Variants in XPO7 observed in about 807,000 individuals in gnomAD.
The protein encoded by XPO7 is exportin-7.
Under a neutral mutation model 144.3 loss-of-function variants are expected in XPO7, and 21 were observed. That is an observed-to-expected ratio of 0.15 (90% confidence interval 0.10 to 0.21). The LOEUF (loss-of-function observed/expected upper bound fraction) is 0.21. Among genes scored for constraint, XPO7 ranks in the 10% least tolerant of loss-of-function variants. The probability of loss-of-function intolerance (pLI) is 1.00; values close to 1 mark genes in which losing one functional copy is unlikely to be tolerated. For missense variants in XPO7, 808 were observed against 1,325.8 expected (o/e 0.61, Z 6.06); for synonymous variants, 580 against 499.6 (o/e 1.16, Z -2.15).
At chr8:21,940,160 A>G (rs1810945270) in intron 1 of XPO7, among the ~76,000 whole-genome samples, 1 of 152,224 alleles carries the variant, frequency 6.6e-6, no homozygotes, top group African/African-American at 2.4e-5. Context: ...TCTTAATGAT[A>G]TTTTAAAAGT....
At chr8:21,931,708 G>T (rs932874632) in intron 1 of XPO7, among the ~76,000 whole-genome samples, 12 of 152,218 alleles carry the variant, frequency 7.9e-5, no homozygotes, top group Non-Finnish European at 1.3e-4. Flanking sequence ...CCCCTTAAAG[G>T]TTTCTATCAA....
chr8:22,000,046 G>C (rs1425549061), intron 24 of XPO7, among the ~76,000 whole-genome samples: 1 of 152,178 alleles, frequency 6.6e-6, no homozygotes, highest in Non-Finnish European at 1.5e-5. Flanking sequence ...AGAATACCTA[G>C]ACTCTTGGTT....
intron 10 of XPO7, among the ~76,000 whole-genome samples, chr8:21,982,368 A>C (rs191478032): frequency 6.6e-6 from 1 of 152,192 alleles, no homozygotes; most frequent in Non-Finnish European, 1.5e-5. Flanking sequence ...GGTGATTGTC[A>C]TGCATACTAA....
intron 1 of XPO7, among the ~76,000 whole-genome samples, chr8:21,960,048 TAGG>T (rs1283182426): frequency 6.6e-6 from 1 of 152,158 alleles, no homozygotes; most frequent in Admixed American, 6.6e-5. Flanking sequence ...GAACCACTGA[TAGG>T]AGACAGAATT....
chr8:21,992,456 C>G (rs920873329), intron 19 of XPO7, among the ~76,000 whole-genome samples: 3 of 152,134 alleles, frequency 2.0e-5, no homozygotes, highest in African/African-American at 7.2e-5. Flanking sequence ...TTTCATTATT[C>G]AGTTTTTTGT....
At chr8:21,997,481 AT>A (rs1460448898) in intron 21 of XPO7, among the ~76,000 whole-genome samples, 1 of 152,246 alleles carries the variant, frequency 6.6e-6, no homozygotes, top group Non-Finnish European at 1.5e-5. Context: ...CCCTGCAAAG[AT>A]AAGGAGTCTT....
Position 21,919,736 on chromosome 8 carries a change from G to C in XPO7, c.-35G>C, listed in dbSNP as rs866257149. The C allele has an allele frequency of 1.0e-5, 4 of 382,332 alleles. No homozygotes were observed. The highest frequency in any genetic ancestry group is 6.0e-5 in the Admixed American group (1 of 16,580). 23.7% of individuals were successfully genotyped at this position (382,332 alleles called of 1,614,324 possible). A position where few individuals can be genotyped will look rare whatever the true frequency, so the allele number is the denominator to read the frequency against. On this transcript the variant is annotated 5_prime_UTR_variant, in exon 1 of 28. Transcript: ENST00000252512. ...TCCGGCCGAGGTGCGCGCTGGGGGG[G>C]AGGGGGGGCCGGAGAGGAGCATGAA...
intron 1 of XPO7, among the ~76,000 whole-genome samples, chr8:21,928,187 G>T (rs1017702093): frequency 2.0e-5 from 3 of 152,186 alleles, no homozygotes; most frequent in Non-Finnish European, 4.4e-5. Flanking sequence ...TGGACTTACT[G>T]TATACTCTTG....
intron 1 of XPO7, among the ~76,000 whole-genome samples, chr8:21,944,525 C>G (rs768001902): frequency 3.3e-5 from 5 of 152,084 alleles, no homozygotes; most frequent in Non-Finnish European, 7.4e-5. Context: ...TGAGACCACA[C>G]CACTGTACTC....
chr8:21,953,811 G>A (rs891025256), intron 1 of XPO7, among the ~76,000 whole-genome samples: 2 of 152,142 alleles, frequency 1.3e-5, no homozygotes, highest in Non-Finnish European at 2.9e-5. Flanking sequence ...TGTATCTTTG[G>A]TGAGGTGTCT....
intron 1 of XPO7, among the ~76,000 whole-genome samples, chr8:21,961,687 G>C (rs1811730211): frequency 6.6e-6 from 1 of 152,188 alleles, no homozygotes; most frequent in East Asian, 1.9e-4. Flanking sequence ...GTCTCACTCT[G>C]TCGCCCAGGC....
chr8:21,939,118 T>C (rs1458918145), intron 1 of XPO7, among the ~76,000 whole-genome samples: 1 of 152,242 alleles, frequency 6.6e-6, no homozygotes, highest in East Asian at 1.9e-4. Flanking sequence ...CTTCTATTCT[T>C]ATTTTGTTCT....
At chr8:21,960,742 C>G (rs766620767) in intron 1 of XPO7, among the ~76,000 whole-genome samples, 6 of 152,210 alleles carry the variant, frequency 3.9e-5, no homozygotes, top group Non-Finnish European at 8.8e-5. Flanking sequence ...TACTCACTCT[C>G]TTAGTCTTAC....
intron 15 of XPO7, 46 bp from the exon 16 acceptor site, chr8:21,988,957 C>G: frequency 6.3e-7 from 1 of 1,578,010 alleles, no homozygotes; most frequent in East Asian, 2.2e-5. Flanking sequence ...AGGAAACCAG[C>G]AAATCAAAAG....
chr8:21,924,067 A>G (rs1049561188), intron 1 of XPO7, among the ~76,000 whole-genome samples: 4 of 152,216 alleles, frequency 2.6e-5, no homozygotes, highest in African/African-American at 9.6e-5. Context: ...GCTGCAGTCA[A>G]TCTCAGGGCT....
intron 1 of XPO7, among the ~76,000 whole-genome samples, chr8:21,950,967 CAAAAA>C (rs879852105): frequency 7.0e-6 from 1 of 143,358 alleles, no homozygotes; most frequent in South Asian, 2.2e-4. Context: ...ACAAAAAATA[CAAAAA>C]AAAAAATTAG....
At chr8:21,993,042 A>G (rs1299274974) in intron 19 of XPO7, among the ~76,000 whole-genome samples, 1 of 152,214 alleles carries the variant, frequency 6.6e-6, no homozygotes, top group Admixed American at 6.5e-5. Flanking sequence ...GTAGACAGAA[A>G]GCAACAACAC....
rs180806656 is a variant in XPO7 at position 21,977,917 on chromosome 8, G to A, written c.837+74G>A. 3.4e-4 allele frequency: 446 copies of A among 1,314,138 alleles called. 3 individuals are homozygous for A. The African/African-American group carries it at 5.6e-3, about 17-fold the overall frequency. 81.4% of individuals were successfully genotyped at this position (1,314,138 alleles called of 1,614,324 possible). A position where few individuals can be genotyped will look rare whatever the true frequency, so the allele number is the denominator to read the frequency against. ...GCAATGGTGAATGAACCTTATATTC[G>A]TTTTGTTTTATAAAATTATACAAGT... On this transcript the variant is annotated intron_variant, in intron 8 of 27. Coordinates refer to ENST00000252512, the MANE Select transcript of XPO7 (RefSeq NM_015024.5).
At chr8:21,981,982 A>T (rs757668863) in intron 10 of XPO7, 105 bp downstream of exon 10, 3 of 1,474,800 alleles carry the variant, frequency 2.0e-6, no homozygotes, top group Non-Finnish European at 1.8e-6. Flanking sequence ...AAAGGTAACC[A>T]TAAGTCCAGT....
Sources: allele counts gnomAD v4.1 joint callset (sites outside exome capture counted in the v4.1 genomes callset), GRCh38; gene constraint gnomAD v4.1.1; transcripts MANE v1.5; gene names NCBI Gene and HGNC (gene_info 2026-07-23, HGNC 2026-07-21).